Variants in ABI1 observed in about 807,000 individuals in gnomAD.
ABI1 encodes the protein abl interactor 1, also known as Abelson interactor 1.
A neutral mutation model predicts 54.6 loss-of-function variants in ABI1; 14 were observed. The ratio of observed to expected loss-of-function variants is 0.26; its 90% confidence interval spans 0.17 to 0.40. The LOEUF is 0.40. Among genes scored for constraint, ABI1 ranks in the 10% least tolerant of loss-of-function variants. The pLI, the probability that ABI1 is intolerant of heterozygous loss-of-function variation, is 1.00. For missense variants in ABI1, 443 were observed against 598.3 expected (o/e 0.74, Z 2.71); for synonymous variants, 194 against 209.3 (o/e 0.93, Z 0.63).
chr10:26,789,161 A>G (rs1454288663), intron 2 of ABI1: 1 of 152,174 alleles, frequency 6.6e-6, no homozygotes, highest in Non-Finnish European at 1.5e-5. Flanking sequence ...GACACCAGGG[A>G]AAAGGAAAAA....
At chr10:26,790,715 A>C (rs1843321125) in intron 2 of ABI1, 1 of 152,200 alleles carries the variant, frequency 6.6e-6, no homozygotes, top group African/African-American at 2.4e-5. Context: ...ACATAGTTCT[A>C]GTTAGTCCAA....
At chr10:26,759,706 T>C (rs1838854780) in intron 7 of ABI1, among the ~76,000 whole-genome samples, 1 of 152,066 alleles carries the variant, frequency 6.6e-6, no homozygotes, top group Non-Finnish European at 1.5e-5. Flanking sequence ...TTGATTTGGC[T>C]AGATAGAGTC....
At chr10:26,828,768 G>C (rs574118649) in intron 1 of ABI1, among the ~76,000 whole-genome samples, 14 of 152,176 alleles carry the variant, frequency 9.2e-5, no homozygotes. Context: ...TATTGCTGGT[G>C]TTAATACTGA....
At chr10:26,782,015 T>C (rs1450273162) in intron 2 of ABI1, among the ~76,000 whole-genome samples, 2 of 152,150 alleles carry the variant, frequency 1.3e-5, no homozygotes, top group Non-Finnish European at 2.9e-5. Flanking sequence ...ATTTGTCTCA[T>C]GGTGAGAGGA....
chr10:26,765,661 A>AGAGG (rs1231816841), intron 6 of ABI1, among the ~76,000 whole-genome samples: 2 of 94,980 alleles, frequency 2.1e-5, no homozygotes, highest in Admixed American at 1.5e-4. Flanking sequence ...GGGAAAGGAG[A>AGAGG]GAGGGAGGGA....
At chr10:26,755,217 G>T (rs1838151464) in intron 9 of ABI1, among the ~76,000 whole-genome samples, 2 of 152,046 alleles carry the variant, frequency 1.3e-5, no homozygotes, top group African/African-American at 4.8e-5. Flanking sequence ...CTAAAATTTT[G>T]AAATTAAGGG....
intron 2 of ABI1, among the ~76,000 whole-genome samples, chr10:26,804,404 A>G (rs7916104): frequency 0.18 from 26,897 of 151,790 alleles, 2,523 homozygotes; most frequent in Admixed American, 0.22. Context: ...AAAAATCACA[A>G]TGGATTGAGG....
intron 3 of ABI1, chr10:26,776,676 G>A (rs983899149): frequency 1.3e-5 from 2 of 156,340 alleles, no homozygotes; most frequent in Non-Finnish European, 2.8e-5. Flanking sequence ...ACACACACAG[G>A]TATACAAATA....
intron 2 of ABI1, among the ~76,000 whole-genome samples, chr10:26,821,040 T>A (rs2047941739): frequency 6.6e-6 from 1 of 151,246 alleles, no homozygotes; most frequent in African/African-American, 2.4e-5. Flanking sequence ...CCCAGGAGTT[T>A]GAGACCAGCC....
intron 2 of ABI1, among the ~76,000 whole-genome samples, chr10:26,818,342 G>C (rs2047721451): frequency 6.6e-6 from 1 of 151,494 alleles, no homozygotes; most frequent in Non-Finnish European, 1.5e-5. Flanking sequence ...ATAATGGCTA[G>C]GCACAGTGGC....
At chr10:26,755,780 T>TAAAG (rs747132026) in intron 8 of ABI1, 39 bp from the exon 9 acceptor site, 2 of 1,397,860 alleles carry the variant, frequency 1.4e-6, no homozygotes, top group Non-Finnish European at 2.0e-6. Flanking sequence ...GTAAAACAGA[T>TAAAG]AAAGGAAAGA....
chr10:26,751,835 C>CT lies in ABI1; in HGVS notation c.1085-53dup. 2.0e-6 allele frequency: 3 copies of CT among 1,477,326 alleles called. No individual in the cohort carries two copies. The South Asian group carries it at 4.1e-5, about 20-fold the overall frequency. The allele number at this position is 1,477,326 out of a possible 1,614,324, so 91.5% of individuals were successfully genotyped here. On this transcript the variant is annotated intron_variant, in intron 9 of 10. Transcript: ENST00000376140. ...AATCAAAAATAAGTCTAGATGGAAA[C>CT]TTATAAGTTAACAGAATTTAAGAAA...
intron 1 of ABI1, among the ~76,000 whole-genome samples, chr10:26,852,985 T>A (rs540641983): frequency 1.4e-3 from 207 of 152,262 alleles, no homozygotes; most frequent in Non-Finnish European, 2.1e-3. Flanking sequence ...CAACTATGTC[T>A]GAGAAAGTTT....
chr10:26,853,981 T>C (rs1337275674), intron 1 of ABI1, among the ~76,000 whole-genome samples: 1 of 152,240 alleles, frequency 6.6e-6, no homozygotes, highest in Non-Finnish European at 1.5e-5. Flanking sequence ...GACTGTTAAC[T>C]GTCTTAATTC....
rs192541283 is a variant in ABI1 at position 26,830,500 on chromosome 10, G to A, written c.118-7195C>T. On this transcript the variant is annotated intron_variant, in intron 1 of 10. Transcript: ENST00000376140. ...ATAGGCCTGGTGGCTTATGCCTGTG[G>A]TCCCAGCTACTTGGGAGCTTGAGGT... Among the ~76,000 whole-genome samples the A allele has an allele frequency of 1.6e-4, 25 of 151,946 alleles. No individual in the cohort carries two copies. In the East Asian group the frequency reaches 4.8e-3, roughly 29 times the overall value.
chr10:26,813,458 T>A (rs922393032), intron 2 of ABI1, among the ~76,000 whole-genome samples: 7 of 152,158 alleles, frequency 4.6e-5, no homozygotes, highest in African/African-American at 1.4e-4. Flanking sequence ...GGATGTATTA[T>A]CAAATTGGGT....
intron 1 of ABI1, among the ~76,000 whole-genome samples, chr10:26,855,893 C>G (rs533120478): frequency 1.1e-4 from 17 of 150,706 alleles, no homozygotes; most frequent in African/African-American, 3.2e-4. Flanking sequence ...ATCACTTGAA[C>G]CCAGGAGGCG....
intron 2 of ABI1, among the ~76,000 whole-genome samples, chr10:26,811,233 T>C (rs1352490775): frequency 6.6e-6 from 1 of 152,156 alleles, no homozygotes; most frequent in Non-Finnish European, 1.5e-5. Context: ...TTTTAGATAA[T>C]ACTGAGCTAA....
In ABI1 at chr10:26,818,631, C is replaced by CAAAAAAAAAAAA. The variant is rs376157276; in HGVS notation, c.285+4495_285+4506dup. On this transcript the variant is annotated intron_variant, in intron 2 of 10. Transcript: ENST00000376140. ...TGGACAACAAAGCGAGACCCCGTCACAAAAAAAAAAAAAAAAAAGAGCAAA... is the reference window on the plus strand; with the variant it reads ...TGGACAACAAAGCGAGACCCCGTCACAAAAAAAAAAAAAAAAAAAAAAAAAAAAAAGAGCAAA... 4.5e-3 allele frequency among the ~76,000 whole-genome samples: 329 copies of CAAAAAAAAAAAA among 72,776 alleles called. 2 individuals are homozygous for CAAAAAAAAAAAA. Among genetic ancestry groups the CAAAAAAAAAAAA allele is most frequent in the East Asian group, 9.6e-3 (23 of 2,392 alleles). 47.7% of individuals were successfully genotyped at this position (72,776 alleles called of 152,430 possible). A position where few individuals can be genotyped will look rare whatever the true frequency, so the allele number is the denominator to read the frequency against.
Sources: allele counts gnomAD v4.1 joint callset (sites outside exome capture counted in the v4.1 genomes callset), GRCh38; gene constraint gnomAD v4.1.1; transcripts MANE v1.5; gene names NCBI Gene and HGNC (gene_info 2026-07-23, HGNC 2026-07-21).